The following WFDC11 variants were observed in gnomAD, a reference collection of about 807,000 sequenced individuals.
The protein encoded by WFDC11 is protein WFDC11.
In WFDC11, 9 loss-of-function variants were observed where a neutral mutation model predicts 9.9. That is an observed-to-expected ratio of 0.91 (90% CI 0.55 to 1.58). The LOEUF is 1.58. WFDC11 is among the 40% of genes most tolerant of loss of function. WFDC11 has a pLI of 0.00. For synonymous variants in WFDC11, 32 were observed against 33.3 expected (o/e 0.96, Z 0.13); for missense variants, 106 against 101.7 (o/e 1.04, Z -0.18).
At chr20:45,651,925 A>G (rs1982816630) in intron 2 of WFDC11, among the ~76,000 whole-genome samples, 2 of 152,178 alleles carry the variant, frequency 1.3e-5, no homozygotes, top group African/African-American at 4.8e-5. Context: ...GAGTAGGTAA[A>G]CAAAGCAGCC....
intron 2 of WFDC11, among the ~76,000 whole-genome samples, chr20:45,663,360 T>G (rs189110326): frequency 6.6e-6 from 1 of 152,320 alleles, no homozygotes; most frequent in Non-Finnish European, 1.5e-5. Context: ...ATTTTGTTAA[T>G]CTTTTCAAAA....
chr20:45,668,844 T>G (rs1453300610), intron 1 of WFDC11, among the ~76,000 whole-genome samples: 2 of 152,228 alleles, frequency 1.3e-5, no homozygotes, highest in Non-Finnish European at 2.9e-5. Flanking sequence ...TTTTTCCCTA[T>G]TGTAGAAATT....
chr20:45,656,578 A>T (rs1229417726), intron 2 of WFDC11, among the ~76,000 whole-genome samples: 3 of 152,044 alleles, frequency 2.0e-5, no homozygotes, highest in Admixed American at 2.0e-4. Flanking sequence ...AAGCCAAAAT[A>T]GACAAGTGGG....
chr20:45,662,301 G>A (rs375070228), intron 2 of WFDC11, among the ~76,000 whole-genome samples: 3 of 152,182 alleles, frequency 2.0e-5, no homozygotes, highest in African/African-American at 4.8e-5. Context: ...TTGCTTATCA[G>A]CTTAAGGAGA....
intron 2 of WFDC11, among the ~76,000 whole-genome samples, chr20:45,665,290 CTG>C (rs1568664443): frequency 6.6e-6 from 1 of 152,168 alleles, no homozygotes; most frequent in Non-Finnish European, 1.5e-5. Flanking sequence ...CTTCTCTACA[CTG>C]TTTATTCTGG....
chr20:45,655,450 T>C (rs1326341331), intron 2 of WFDC11, among the ~76,000 whole-genome samples: 1 of 152,202 alleles, frequency 6.6e-6, no homozygotes, highest in African/African-American at 2.4e-5. Context: ...ATAAGAGCTA[T>C]CTATGACAAA....
intron 2 of WFDC11, among the ~76,000 whole-genome samples, chr20:45,655,459 A>C (rs1223623621): frequency 6.6e-6 from 1 of 152,200 alleles, no homozygotes; most frequent in Non-Finnish European, 1.5e-5. Flanking sequence ...ATCTATGACA[A>C]ATGCACAGCC....
At chr20:45,657,637 A>G (rs1982965983) in intron 2 of WFDC11, among the ~76,000 whole-genome samples, 3 of 152,222 alleles carry the variant, frequency 2.0e-5, no homozygotes, top group African/African-American at 7.2e-5. Flanking sequence ...TTGAAACTAT[A>G]AAACTAAAGC....
At chr20:45,652,185 A>G (rs1982822668) in intron 2 of WFDC11, among the ~76,000 whole-genome samples, 1 of 152,212 alleles carries the variant, frequency 6.6e-6, no homozygotes, top group African/African-American at 2.4e-5. Flanking sequence ...GGCACTCCCC[A>G]GTAGGGCAGA....
At chr20:45,650,247 T>TATATATATAG (rs536980234) in intron 3 of WFDC11, among the ~76,000 whole-genome samples, 1 of 148,826 alleles carries the variant, frequency 6.7e-6, no homozygotes, top group African/African-American at 2.5e-5. Context: ...TGTATATATA[T>TATATATATAG]AGAGAGAGAG....
rs187834586 is a variant in WFDC11 at position 45,656,185 on chromosome 20, A to G, written c.-51-5534T>C. 2.3e-3 allele frequency among the ~76,000 whole-genome samples: 344 copies of G among 152,282 alleles called. 2 individuals are homozygous for G. The highest frequency in any genetic ancestry group is 4.0e-3 in the Non-Finnish European group (273 of 68,024). ...ATCACGTTACCTGACTTCAAATTAT[A>G]CTACAAGCCTACAGTAACCAAAACA... On this transcript the variant is annotated intron_variant, in intron 2 of 4. Transcript: ENST00000324384.
In WFDC11 at chr20:45,648,771, C is replaced by A. The variant is rs201254677; in HGVS notation, c.244-32G>T. On this transcript the variant is annotated intron_variant, in intron 4 of 4. Transcript: ENST00000324384. ...AACAAAAAGGTTAGATTTTTAGAGG[C>A]TAGAGAACTCTGAGAAACAAGCATT... 62 of 1,611,678 alleles carry A rather than the reference C, an allele frequency of 3.8e-5. 1 individual carries two copies. In the African/African-American group the frequency reaches 6.5e-4, roughly 17 times the overall value.
In WFDC11 at chr20:45,649,514, C is replaced by A. The variant is rs957167361; in HGVS notation, c.101-115G>T. ...TGGAATCTGGGCCCCAAATTCCAAC[C>A]AAGATATCTATTTGCCTTTTAAGGG... On this transcript the variant is annotated intron_variant, in intron 3 of 4. Coordinates refer to ENST00000324384, the MANE Select transcript of WFDC11 (RefSeq NM_147197.2). 5.6e-5 allele frequency: 73 copies of A among 1,310,484 alleles called. 1 individual carries two copies. In the South Asian group the frequency reaches 1.0e-3, roughly 18 times the overall value. 81.2% of individuals were successfully genotyped at this position (1,310,484 alleles called of 1,614,324 possible). A position where few individuals can be genotyped will look rare whatever the true frequency, so the allele number is the denominator to read the frequency against.
At chr20:45,652,574 C>T (rs1471329794) in intron 2 of WFDC11, among the ~76,000 whole-genome samples, 2 of 152,142 alleles carry the variant, frequency 1.3e-5, no homozygotes, top group African/African-American at 4.8e-5. Context: ...TGGAACAAAG[C>T]TGGATGGAGA....
intron 2 of WFDC11, among the ~76,000 whole-genome samples, chr20:45,651,350 C>A (rs6073834): frequency 0.2 from 29,691 of 152,116 alleles, 3,199 homozygotes; most frequent in East Asian, 0.32. Flanking sequence ...ATCGTACTTT[C>A]AGTACCCATC....
At chr20:45,666,904 C>T (rs1983198634) in intron 2 of WFDC11, among the ~76,000 whole-genome samples, 184 bp downstream of exon 2, 1 of 152,170 alleles carries the variant, frequency 6.6e-6, no homozygotes, top group South Asian at 2.1e-4. Flanking sequence ...AATGTCTATC[C>T]ATGTTATCTT....
intron 2 of WFDC11, among the ~76,000 whole-genome samples, chr20:45,663,849 A>T (rs1162181149): frequency 6.6e-6 from 1 of 152,150 alleles, no homozygotes; most frequent in Non-Finnish European, 1.5e-5. Context: ...ACTTCCAATT[A>T]TGTGGTCAAT....
At chr20:45,662,269 G>T (rs895084216) in intron 2 of WFDC11, among the ~76,000 whole-genome samples, 1 of 152,172 alleles carries the variant, frequency 6.6e-6, no homozygotes, top group Non-Finnish European at 1.5e-5. Flanking sequence ...CATTGATTTT[G>T]TATCCTGAAA....
intron 2 of WFDC11, among the ~76,000 whole-genome samples, chr20:45,663,311 CT>C (rs1313747701): frequency 1.3e-5 from 2 of 152,174 alleles, no homozygotes; most frequent in South Asian, 2.1e-4. Flanking sequence ...ATTCTTCTCT[CT>C]TTTTTTCTTT....
Sources: allele counts gnomAD v4.1 joint callset (sites outside exome capture counted in the v4.1 genomes callset), GRCh38; gene constraint gnomAD v4.1.1; transcripts MANE v1.5; gene names NCBI Gene and HGNC (gene_info 2026-07-23, HGNC 2026-07-21).